TUBGCP3: variants seen among roughly 807,000 people sequenced by gnomAD.
TUBGCP3 encodes tubulin gamma complex component 3, also known as gamma-tubulin complex component 3.
TUBGCP3 carries 50 observed loss-of-function variants against 123.1 expected under a neutral mutation model. The ratio of observed to expected loss-of-function variants is 0.41; its 90% CI spans 0.32 to 0.51. The LOEUF (loss-of-function observed/expected upper bound fraction) is 0.51. Ranked by LOEUF, TUBGCP3 falls within the 20% of genes least tolerant of loss-of-function variation. The probability of loss-of-function intolerance (pLI) is 0.36; values close to 1 mark genes in which losing one functional copy is unlikely to be tolerated. For synonymous variants in TUBGCP3, 405 were observed against 413.9 expected (o/e 0.98, Z 0.26); for missense variants, 882 against 1,127.0 (o/e 0.78, Z 3.11).
the TUBGCP3 span, among the ~76,000 whole-genome samples, chr13:112,601,228 G>A: frequency 6.6e-6 from 1 of 151,152 alleles, no homozygotes; most frequent in Non-Finnish European, 1.5e-5. Context: ...GAATACAAAT[G>A]GCTTTTCATA....
At chr13:112,527,201 T>C (rs1037586787) in intron 12 of TUBGCP3, 151 bp from the exon 13 acceptor site, 1 of 782,794 alleles carries the variant, frequency 1.3e-6, no homozygotes, top group Non-Finnish European at 2.0e-6. Context: ...AACTCAAAGA[T>C]ATATTGAACA....
intron 20 of TUBGCP3, among the ~76,000 whole-genome samples, chr13:112,492,424 C>A (rs1594098411): frequency 1.3e-5 from 2 of 152,334 alleles, no homozygotes; most frequent in Middle Eastern, 6.8e-3. Flanking sequence ...CATACATGAA[C>A]AGCTTAATAA....
At chr13:112,562,101 C>A (rs895815874) in intron 3 of TUBGCP3, among the ~76,000 whole-genome samples, 2 of 151,658 alleles carry the variant, frequency 1.3e-5, no homozygotes, top group Non-Finnish European at 2.9e-5. Context: ...CCAGCCAGGA[C>A]CCACTAGGGA....
At position 112,555,016 on chromosome 13, in the gene TUBGCP3, A is replaced by G. The variant is rs1055156048; in HGVS notation, c.722-11T>C. 1 of 1,532,290 alleles carries G rather than the reference A, an allele frequency of 6.5e-7. No individual in the cohort carries two copies. The allele number at this position is 1,532,290 out of a possible 1,614,324, so 94.9% of individuals were successfully genotyped here. A position where few individuals can be genotyped will look rare whatever the true frequency, so the allele number is the denominator to read the frequency against. ...TAATTTCCATAGTACCTGCAAAATCATTTTTTAAAGACAGTAATTACTAGA... is the reference window on the plus strand; with the variant it reads ...TAATTTCCATAGTACCTGCAAAATCGTTTTTTAAAGACAGTAATTACTAGA... On this transcript the variant is annotated splice_polypyrimidine_tract_variant and intron_variant, in intron 6 of 21. Transcript: ENST00000261965.
intron 17 of TUBGCP3, among the ~76,000 whole-genome samples, chr13:112,512,423 GTC>G: frequency 9.9e-6 from 1 of 101,034 alleles, no homozygotes. Context: ...GCAAGACTCT[GTC>G]TCAAAAAAAA....
At chr13:112,598,729 G>A in the TUBGCP3 span, among the ~76,000 whole-genome samples, 1 of 152,092 alleles carries the variant, frequency 6.6e-6, no homozygotes, top group Non-Finnish European at 1.5e-5. Context: ...CGGATCGTGA[G>A]GTCAGGAGAT....
At chr13:112,520,070 T>G (rs1306621548) in intron 14 of TUBGCP3, 49 bp from the exon 15 acceptor site, 1 of 1,556,002 alleles carries the variant, frequency 6.4e-7, no homozygotes, top group Non-Finnish European at 8.7e-7. Context: ...CAATTCTTAA[T>G]GAACTTTAAA....
intron 20 of TUBGCP3, among the ~76,000 whole-genome samples, chr13:112,498,140 T>G (rs186004581): frequency 5.9e-4 from 90 of 152,298 alleles, no homozygotes; most frequent in African/African-American, 2.1e-3. Context: ...ACATATATAC[T>G]TGCATTACAG....
At chr13:112,579,989 C>T (rs931289368) in intron 1 of TUBGCP3, among the ~76,000 whole-genome samples, 3 of 152,182 alleles carry the variant, frequency 2.0e-5, no homozygotes, top group African/African-American at 7.2e-5. Flanking sequence ...TGGAACACTA[C>T]TCTGCAATGA....
At chr13:112,486,705 G>C (rs1879696267) in intron 21 of TUBGCP3, among the ~76,000 whole-genome samples, 1 of 152,202 alleles carries the variant, frequency 6.6e-6, no homozygotes, top group African/African-American at 2.4e-5. Context: ...AGATGTGACA[G>C]AAGTTTCCCC....
chr13:112,590,426 A>C (rs1050370876), upstream of TUBGCP3, among the ~76,000 whole-genome samples: 4 of 152,060 alleles, frequency 2.6e-5, no homozygotes, highest in Non-Finnish European at 4.4e-5. Flanking sequence ...AATATAATGC[A>C]AGGAAACCTT....
rs775847136 is a variant in TUBGCP3, at chr13:112,559,407, G to C, written c.253-8C>G. The C allele has an allele frequency of 6.3e-7, 1 of 1,589,096 alleles. No individual in the cohort carries two copies. The highest frequency in any genetic ancestry group is 2.3e-5 in the East Asian group (1 of 43,922). On this transcript the variant is annotated splice_polypyrimidine_tract_variant and splice_region_variant and intron_variant, in intron 3 of 21. Coordinates refer to ENST00000261965, the MANE Select transcript of TUBGCP3 (RefSeq NM_006322.6). ...TTTATTTTTCAAAACTCCCTGTTTG[G>C]AAAAAAGTTAATATTAAAAGAACGA...
chr13:112,582,243 A>G (rs1024599490), intron 1 of TUBGCP3, among the ~76,000 whole-genome samples: 3 of 152,254 alleles, frequency 2.0e-5, no homozygotes, highest in African/African-American at 7.2e-5. Flanking sequence ...AAGTATAACT[A>G]AACTCAATCA....
intron 21 of TUBGCP3, among the ~76,000 whole-genome samples, chr13:112,487,523 A>C (rs1879762692): frequency 6.6e-6 from 1 of 152,242 alleles, no homozygotes; most frequent in South Asian, 2.1e-4. Flanking sequence ...ACAAATCTTT[A>C]AAATTACACA....
At chr13:112,567,919 A>G (rs958107133) in intron 2 of TUBGCP3, among the ~76,000 whole-genome samples, 55 of 129,724 alleles carry the variant, frequency 4.2e-4, no homozygotes, top group East Asian at 7.0e-4. Flanking sequence ...ACTTCTAGAA[A>G]GTGTTATTAC....
At chr13:112,541,894 T>C (rs1878550669) in intron 11 of TUBGCP3, among the ~76,000 whole-genome samples, 3 of 152,204 alleles carry the variant, frequency 2.0e-5, no homozygotes, top group Non-Finnish European at 4.4e-5. Flanking sequence ...ACGAAGAGGA[T>C]ACAGATTCTT....
intron 17 of TUBGCP3, among the ~76,000 whole-genome samples, chr13:112,506,618 G>C (rs1881325801): frequency 6.6e-6 from 1 of 152,170 alleles, no homozygotes; most frequent in African/African-American, 2.4e-5. Flanking sequence ...CTTGCCATTA[G>C]GAATCTACAA....
Position 112,558,250 on chromosome 13 carries a change from A to G in TUBGCP3, c.494T>C (p.Ile165Thr), listed in dbSNP as rs1395573263. ...GGGGCCACTGAGGGCACACAGGCCA[A>G]TGCTGCTGATGCCACTGCTGCCCAC... ...GSVGSSGISSIGLCALSGPAP... is the reference protein window; with the variant it reads ...GSVGSSGISSTGLCALSGPAP... The change falls in exon 5 of 22, where the codon ATT becomes ACT. Residue 165 changes from isoleucine (I) to threonine (T), a missense_variant. Ile to Thr is a moderately conservative substitution (Grantham distance 89, BLOSUM62 -1). Coordinates refer to ENST00000261965, the MANE Select transcript of TUBGCP3 (RefSeq NM_006322.6). 2.5e-6 allele frequency: 4 copies of G among 1,612,510 alleles called. No individual in the cohort carries two copies. In the East Asian group the frequency reaches 6.7e-5, roughly 27 times the overall value.
At chr13:112,504,801 C>G (rs1881180095) in intron 17 of TUBGCP3, 87 bp from the exon 18 acceptor site, 1 of 1,073,952 alleles carries the variant, frequency 9.3e-7, no homozygotes, top group Admixed American at 2.1e-5. Flanking sequence ...TGCAAGCTAT[C>G]TTAAAACAAA....
Sources: allele counts gnomAD v4.1 joint callset (sites outside exome capture counted in the v4.1 genomes callset), GRCh38; gene constraint gnomAD v4.1.1; transcripts MANE v1.5; gene names NCBI Gene and HGNC (gene_info 2026-07-23, HGNC 2026-07-21).